The following SGPP2 variants were observed in gnomAD, a reference collection of about 807,000 sequenced individuals.
SGPP2 encodes sphingosine 1-phosphate phosphohydrolase 2.
In SGPP2, 30 loss-of-function variants were observed where a neutral mutation model predicts 33.9. The ratio of observed to expected loss-of-function variants is 0.89; its 90% CI spans 0.66 to 1.20. The LOEUF (loss-of-function observed/expected upper bound fraction) is 1.20, where lower values mean the gene tolerates loss of function less well. Among genes scored for constraint, SGPP2 ranks in the 50% most tolerant of loss-of-function variants. SGPP2 has a pLI of 0.00. For synonymous variants in SGPP2, 233 were observed against 225.0 expected, an observed-to-expected ratio of 1.04 and a Z score of -0.32; for missense variants, 458 against 532.1, an observed-to-expected ratio of 0.86 and a Z score of 1.37.
At chr2:222,459,799 A>G (rs1697631901) in intron 1 of SGPP2, among the ~76,000 whole-genome samples, 1 of 152,026 alleles carries the variant, frequency 6.6e-6, no homozygotes, top group East Asian at 1.9e-4. Flanking sequence ...CTGATTCACC[A>G]TCCTCCTTGT....
At chr2:222,510,741 A>G (rs1698514671) in intron 2 of SGPP2, among the ~76,000 whole-genome samples, 1 of 152,102 alleles carries the variant, frequency 6.6e-6, no homozygotes, top group African/African-American at 2.4e-5. Flanking sequence ...AGATGAGGGT[A>G]TTTTGCGGGG....
chr2:222,462,658 G>C (rs12470754), intron 1 of SGPP2, among the ~76,000 whole-genome samples: 17,797 of 152,054 alleles, frequency 0.12, 1,148 homozygotes, highest in African/African-American at 0.14. Flanking sequence ...AAGATACATA[G>C]CACCACCTGC....
At position 222,559,009 on chromosome 2, in the gene SGPP2, T is replaced by C. The variant is rs992637008; in HGVS notation, c.*111T>C. On this transcript the variant is annotated 3_prime_UTR_variant, in exon 5 of 5. Transcript: ENST00000321276. Reference sequence around the variant, plus strand: ...TTTCTTTAACAACAACAAAAAGTCATACGGCTGTCTTGCTACTACCAGATA... The same window carrying C: ...TTTCTTTAACAACAACAAAAAGTCACACGGCTGTCTTGCTACTACCAGATA... 31 of 1,033,616 alleles carry C rather than the reference T, an allele frequency of 3.0e-5. No homozygotes were observed. The highest frequency in any genetic ancestry group is 4.2e-5 in the Non-Finnish European group (30 of 714,246). The allele number at this position is 1,033,616 out of a possible 1,614,324, so 64.0% of individuals were successfully genotyped here. A position where few individuals can be genotyped will look rare whatever the true frequency, so the allele number is the denominator to read the frequency against.
At chr2:222,554,951 G>A (rs1367197431) in intron 4 of SGPP2, among the ~76,000 whole-genome samples, 7 of 152,082 alleles carry the variant, frequency 4.6e-5, no homozygotes, top group Admixed American at 2.0e-4. Context: ...CCCCCGCCAC[G>A]ATAAAGAACA....
chr2:222,489,524 A>G (rs1465843668), intron 2 of SGPP2, among the ~76,000 whole-genome samples: 2 of 152,130 alleles, frequency 1.3e-5, no homozygotes, highest in Non-Finnish European at 2.9e-5. Flanking sequence ...ATTTAAACCT[A>G]AATTTATACC....
intron 2 of SGPP2, among the ~76,000 whole-genome samples, chr2:222,491,575 C>A (rs1291749728): frequency 6.6e-6 from 1 of 152,148 alleles, no homozygotes; most frequent in Admixed American, 6.5e-5. Flanking sequence ...GGGGAAACCT[C>A]CCCCATGATC....
At chr2:222,553,182 C>T (rs140903317) in intron 4 of SGPP2, among the ~76,000 whole-genome samples, 1 of 152,076 alleles carries the variant, frequency 6.6e-6, no homozygotes, top group South Asian at 2.1e-4. Context: ...AGGGAGAAAG[C>T]GAGAGAAAGG....
intron 2 of SGPP2, among the ~76,000 whole-genome samples, chr2:222,486,029 G>T (rs1698101577): frequency 6.6e-6 from 1 of 152,212 alleles, no homozygotes; most frequent in Non-Finnish European, 1.5e-5. Flanking sequence ...GCCCTCTCTA[G>T]TTAGAGGGCC....
chr2:222,432,665 C>G (rs1272767767), intron 1 of SGPP2, among the ~76,000 whole-genome samples: 4 of 152,082 alleles, frequency 2.6e-5, no homozygotes, highest in African/African-American at 9.7e-5. Context: ...GAAACAGAAG[C>G]CTCAAGACAC....
At chr2:222,493,423 T>C (rs1208208998) in intron 2 of SGPP2, among the ~76,000 whole-genome samples, 2 of 152,180 alleles carry the variant, frequency 1.3e-5, no homozygotes, top group African/African-American at 4.8e-5. Context: ...GCCCCCATGA[T>C]CAAATTACTT....
intron 1 of SGPP2, chr2:222,452,822 A>G: frequency 6.2e-7 from 1 of 1,605,066 alleles, no homozygotes; most frequent in Non-Finnish European, 8.5e-7. Context: ...CACCATTGCT[A>G]TTCTGCGGCC....
chr2:222,516,097 T>C (rs1352540684), intron 2 of SGPP2, among the ~76,000 whole-genome samples: 2 of 152,100 alleles, frequency 1.3e-5, no homozygotes, highest in African/African-American at 2.4e-5. Flanking sequence ...TAGGTACCTA[T>C]CCCTGAAATC....
chr2:222,497,147 A>G (rs185816760), intron 2 of SGPP2, among the ~76,000 whole-genome samples: 11 of 152,288 alleles, frequency 7.2e-5, no homozygotes, highest in Admixed American at 5.2e-4. Context: ...AGGTGTTTGC[A>G]GGATGAAAAT....
At chr2:222,479,544 AGGCGCCCACCCCCACGCCC>A (rs1042498863) in intron 2 of SGPP2, among the ~76,000 whole-genome samples, 2 of 151,216 alleles carry the variant, frequency 1.3e-5, no homozygotes, top group African/African-American at 4.9e-5. Flanking sequence ...CTGGGACAAC[AGGCGCCCACCCCCACGCCC>A]GGCTAATTTT....
intron 1 of SGPP2, among the ~76,000 whole-genome samples, chr2:222,436,712 C>T (rs1441224400): frequency 6.6e-6 from 1 of 152,170 alleles, no homozygotes; most frequent in Non-Finnish European, 1.5e-5. Flanking sequence ...CAGAACATTG[C>T]GTGCAGGATA....
chr2:222,439,254 G>A lies in SGPP2; in HGVS notation c.219+14433G>A, dbSNP rs548196463. ...AGAAAGATTCACTGCATAAATTTTCGGTAATGTAATGGGGTCCTTCCTCAA... is the reference window on the plus strand; with the variant it reads ...AGAAAGATTCACTGCATAAATTTTCAGTAATGTAATGGGGTCCTTCCTCAA... On this transcript the variant is annotated intron_variant, in intron 1 of 4. Transcript: ENST00000321276. Among the ~76,000 whole-genome samples, 78 of 152,214 alleles carry A rather than the reference G, an allele frequency of 5.1e-4. 1 individual carries two copies. The South Asian group carries it at 0.014, about 28-fold the overall frequency.
rs759882895 is a variant in SGPP2, at chr2:222,525,009, C to G, written c.624C>G (p.Leu208=). 9 of 1,613,920 alleles carry G rather than the reference C, an allele frequency of 5.6e-6. No homozygotes were observed. The African/African-American group carries it at 6.7e-5, about 12-fold the overall frequency. ...VFSTLVCLSR[L]YTGMHTVLDV... Reference sequence around the variant, plus strand: ...CCACCTTGGTGTGTCTCAGCAGGCTCTACACTGGGATGCATACGGTCCTGG... The same window carrying G: ...CCACCTTGGTGTGTCTCAGCAGGCTGTACACTGGGATGCATACGGTCCTGG... Residue 208 remains leucine, a synonymous_variant, in exon 4 of 5, where the codon CTC becomes CTG. Coordinates refer to ENST00000321276, the MANE Select transcript of SGPP2 (RefSeq NM_152386.4).
chr2:222,560,312 C>G lies in SGPP2; in HGVS notation c.*1414C>G, dbSNP rs1021427744. Reference sequence around the variant, plus strand: ...AATTTCACAGTTACCTTCTGTAAATCTATTTTCTCATCTACTGAATAGAAT... The same window carrying G: ...AATTTCACAGTTACCTTCTGTAAATGTATTTTCTCATCTACTGAATAGAAT... On this transcript the variant is annotated 3_prime_UTR_variant, in exon 5 of 5. Transcript: ENST00000321276. The G allele has an allele frequency of 1.3e-5, 2 of 152,232 alleles. No individual in the cohort carries two copies. Among genetic ancestry groups the G allele is most frequent in the African/African-American group, 4.8e-5 (2 of 41,470 alleles). 9.4% of individuals were successfully genotyped at this position (152,232 alleles called of 1,614,324 possible).
intron 4 of SGPP2, among the ~76,000 whole-genome samples, 187 bp downstream of exon 4, chr2:222,525,220 G>A (rs913932121): frequency 2.0e-5 from 3 of 152,152 alleles, no homozygotes; most frequent in Non-Finnish European, 4.4e-5. Flanking sequence ...AAACATTAAG[G>A]TAATATCAAT....
Sources: allele counts gnomAD v4.1 joint callset (sites outside exome capture counted in the v4.1 genomes callset), GRCh38; gene constraint gnomAD v4.1.1; transcripts MANE v1.5; gene names NCBI Gene and HGNC (gene_info 2026-07-23, HGNC 2026-07-21).